COL25A1: variants seen among roughly 807,000 people sequenced by gnomAD.
COL25A1 encodes collagen type XXV alpha 1 chain.
A neutral mutation model predicts 128.4 loss-of-function variants in COL25A1; 103 were observed. The observed-to-expected ratio is 0.80, with a 90% CI of 0.68 to 0.94. The LOEUF (loss-of-function observed/expected upper bound fraction) is 0.94. Among genes scored for constraint, COL25A1 ranks in the 40% least tolerant of loss-of-function variants. The probability of loss-of-function intolerance (pLI) is 0.00; values close to 1 mark genes in which losing one functional copy is unlikely to be tolerated. For synonymous variants in COL25A1, 279 were observed against 277.2 expected (o/e 1.01, Z -0.06); for missense variants, 745 against 840.0 (o/e 0.89, Z 1.40).
intron 3 of COL25A1, among the ~76,000 whole-genome samples, chr4:109,266,737 A>G (rs1352322198): frequency 1.3e-5 from 2 of 152,166 alleles, no homozygotes; most frequent in Non-Finnish European, 1.5e-5. Context: ...CGTGGATACA[A>G]ATCTTTTTTC....
chr4:108,918,187 C>A lies in COL25A1; in HGVS notation c.765G>T (p.Gly255=), dbSNP rs187342096. 3.6e-5 allele frequency: 57 copies of A among 1,597,572 alleles called. 1 individual carries two copies. The East Asian group carries it at 9.9e-4, about 28-fold the overall frequency. Residue 255 remains glycine (G), a synonymous_variant, in exon 13 of 38, where the codon GGG becomes GGT. Transcript: ENST00000399132. ...KGSIGAPGIP[G]MNGQKGEPGL... ...TAGAACTCACCTTTTGCCCATTCATCCCTGGAATTCCAGGTGCTCCAATAG... is the reference window on the plus strand; with the variant it reads ...TAGAACTCACCTTTTGCCCATTCATACCTGGAATTCCAGGTGCTCCAATAG...
intron 3 of COL25A1, among the ~76,000 whole-genome samples, chr4:109,271,978 C>T (rs1044140336): frequency 6.6e-6 from 1 of 152,074 alleles, no homozygotes; most frequent in African/African-American, 2.4e-5. Context: ...GTGGCTCATG[C>T]CTGTAATCCT....
intron 5 of COL25A1, among the ~76,000 whole-genome samples, chr4:109,016,735 A>G (rs1757249719): frequency 6.6e-6 from 1 of 151,988 alleles, no homozygotes; most frequent in Non-Finnish European, 1.5e-5. Context: ...TGGGTCTCCT[A>G]TCTGCTGAGA....
At chr4:109,060,837 T>C (rs1461491504) in intron 3 of COL25A1, among the ~76,000 whole-genome samples, 1 of 152,202 alleles carries the variant, frequency 6.6e-6, no homozygotes, top group Non-Finnish European at 1.5e-5. Flanking sequence ...TTGTGAAATT[T>C]AGTGTTTCAT....
intron 13 of COL25A1, 65 bp from the exon 14 acceptor site, chr4:108,901,237 T>C (rs1742815919): frequency 1.9e-6 from 2 of 1,077,250 alleles, no homozygotes; most frequent in Admixed American, 3.5e-5. Context: ...CATGGATCAT[T>C]AGAGGAGACA....
At chr4:109,129,261 G>C (rs13434555) in intron 3 of COL25A1, among the ~76,000 whole-genome samples, 44,462 of 151,572 alleles carry the variant, frequency 0.29, 7,636 homozygotes, top group African/African-American at 0.47. Flanking sequence ...TCCCGAGTAG[G>C]TGGGATTACA....
chr4:109,196,376 T>C (rs940109085), intron 3 of COL25A1, among the ~76,000 whole-genome samples: 1 of 152,196 alleles, frequency 6.6e-6, no homozygotes, highest in African/African-American at 2.4e-5. Flanking sequence ...AAATATCGTA[T>C]GCATTATAAC....
Position 109,297,862 on chromosome 4 carries a change from C to CTTTTTTT in COL25A1, c.367+2714_367+2720dup, listed in dbSNP as rs35099153. Among the ~76,000 whole-genome samples, 247 of 63,868 alleles carry CTTTTTTT rather than the reference C, an allele frequency of 3.9e-3. 5 individuals are homozygous for CTTTTTTT. The highest frequency in any genetic ancestry group is 7.3e-3 in the Admixed American group (30 of 4,134). The allele number at this position is 63,868 out of a possible 152,430, so 41.9% of individuals were successfully genotyped here. The stretch of plus-strand genomic sequence containing the variant: ...GGTATTATTAGTCTTTTTTCCTTTT[C>CTTTTTTT]TTTTTTTTTTTTTTTTTTTTTTTTT... On this transcript the variant is annotated intron_variant, in intron 3 of 37. Transcript: ENST00000399132.
intron 3 of COL25A1, among the ~76,000 whole-genome samples, chr4:109,130,814 A>G (rs1769125845): frequency 6.6e-6 from 1 of 152,232 alleles, no homozygotes; most frequent in Non-Finnish European, 1.5e-5. Context: ...TCTTTTGATC[A>G]TGTAACCCTT....
intron 3 of COL25A1, among the ~76,000 whole-genome samples, chr4:109,236,036 A>G (rs996406022): frequency 1.3e-5 from 2 of 152,024 alleles, no homozygotes; most frequent in Non-Finnish European, 2.9e-5. Flanking sequence ...TTTCTTATAT[A>G]TTGCTTATAC....
chr4:109,299,579 T>C (rs1032684196), intron 3 of COL25A1, among the ~76,000 whole-genome samples: 2 of 152,136 alleles, frequency 1.3e-5, no homozygotes. Flanking sequence ...TTTCAGAATA[T>C]GAAAAAATAC....
intron 16 of COL25A1, among the ~76,000 whole-genome samples, chr4:108,891,647 G>T (rs1057117083): frequency 1.3e-5 from 2 of 151,364 alleles, no homozygotes; most frequent in African/African-American, 4.8e-5. Flanking sequence ...AATAAACAAG[G>T]ATATCAAAGC....
chr4:109,160,666 TACAA>T (rs1201863462), intron 3 of COL25A1, among the ~76,000 whole-genome samples: 1 of 152,168 alleles, frequency 6.6e-6, no homozygotes, highest in Non-Finnish European at 1.5e-5. Flanking sequence ...TTGTTGGTCC[TACAA>T]ACAGTCAGTG....
At chr4:109,079,624 ATTCTGGCT>A (rs953394421) in intron 3 of COL25A1, among the ~76,000 whole-genome samples, 5 of 152,144 alleles carry the variant, frequency 3.3e-5, no homozygotes, top group African/African-American at 1.2e-4. Flanking sequence ...AAAGGAGCTA[ATTCTGGCT>A]TATAGGAGGC....
chr4:109,189,372 AC>A (rs965348178), intron 3 of COL25A1, among the ~76,000 whole-genome samples: 1 of 151,868 alleles, frequency 6.6e-6, no homozygotes, highest in Non-Finnish European at 1.5e-5. Context: ...ACATGGTGAA[AC>A]CCTGTCTCTA....
chr4:109,248,912 T>A (rs1009807119), intron 3 of COL25A1, among the ~76,000 whole-genome samples: 1 of 152,178 alleles, frequency 6.6e-6, no homozygotes, highest in African/African-American at 2.4e-5. Flanking sequence ...TTTTCTGACA[T>A]CCCTCATATA....
chr4:108,839,586 C>G (rs1427384324), intron 31 of COL25A1, among the ~76,000 whole-genome samples: 4 of 152,126 alleles, frequency 2.6e-5, no homozygotes, highest in Admixed American at 2.6e-4. Context: ...AATCCAGTGA[C>G]AGAAAGACCA....
intron 5 of COL25A1, among the ~76,000 whole-genome samples, chr4:109,035,829 T>C (rs1579159679): frequency 6.6e-6 from 1 of 152,222 alleles, no homozygotes; most frequent in Non-Finnish European, 1.5e-5. Flanking sequence ...CAATCTAAAA[T>C]TGCCACCAGT....
At chr4:109,226,283 C>A (rs1778799674) in intron 3 of COL25A1, among the ~76,000 whole-genome samples, 2 of 151,726 alleles carry the variant, frequency 1.3e-5, no homozygotes, top group Admixed American at 1.3e-4. Context: ...TACAATGTAC[C>A]CTGGGTGATG....
Sources: allele counts gnomAD v4.1 joint callset (sites outside exome capture counted in the v4.1 genomes callset), GRCh38; gene constraint gnomAD v4.1.1; transcripts MANE v1.5; gene names NCBI Gene and HGNC (gene_info 2026-07-23, HGNC 2026-07-21).